DIS3L2: variants seen among roughly 807,000 people sequenced by gnomAD.
DIS3L2 encodes DIS3 like 3'-5' exoribonuclease 2.
Under a neutral mutation model 97.5 loss-of-function variants are expected in DIS3L2, and 34 were observed. The observed-to-expected ratio is 0.35, with a 90% confidence interval of 0.27 to 0.46. DIS3L2 has a LOEUF of 0.46. Ranked by LOEUF, DIS3L2 falls within the 20% of genes least tolerant of loss-of-function variation. The probability of loss-of-function intolerance (pLI) is 1.00; values close to 1 mark genes in which losing one functional copy is unlikely to be tolerated. For synonymous variants in DIS3L2, 435 were observed against 445.2 expected, an observed-to-expected ratio of 0.98 and a Z score of 0.29; for missense variants, 1,038 against 1,146.0, an observed-to-expected ratio of 0.91 and a Z score of 1.36.
intron 1 of DIS3L2, among the ~76,000 whole-genome samples, chr2:231,986,775 C>T (rs1195946144): frequency 6.6e-6 from 1 of 152,182 alleles, no homozygotes; most frequent in African/African-American, 2.4e-5. Context: ...CTTCAGAAGC[C>T]TGTTTAACCA....
intron 10 of DIS3L2, among the ~76,000 whole-genome samples, chr2:232,231,227 A>C (rs1482096101): frequency 6.6e-6 from 1 of 152,230 alleles, no homozygotes; most frequent in African/African-American, 2.4e-5. Flanking sequence ...GGACTGGTAC[A>C]TAGTAGGAGC....
At chr2:232,132,803 G>A (rs1232929926) in intron 7 of DIS3L2, among the ~76,000 whole-genome samples, 1 of 152,008 alleles carries the variant, frequency 6.6e-6, no homozygotes, top group Non-Finnish European at 1.5e-5. Flanking sequence ...CCAACAAGAA[G>A]GATTCTAGAA....
chr2:231,983,887 TA>T (rs201338126), intron 1 of DIS3L2, among the ~76,000 whole-genome samples: 20,282 of 135,284 alleles, frequency 0.15, 1,667 homozygotes, highest in South Asian at 0.33. Context: ...AGACTCATCT[TA>T]AAAAAAAAAA....
At chr2:232,298,844 G>C (rs1694786190) in intron 13 of DIS3L2, among the ~76,000 whole-genome samples, 1 of 152,216 alleles carries the variant, frequency 6.6e-6, no homozygotes, top group Admixed American at 6.5e-5. Context: ...AGGGCATGCT[G>C]CACCTCCTTG....
At chr2:232,342,289 GCATATATACA>G (rs1421224161) in intron 13 of DIS3L2, among the ~76,000 whole-genome samples, 1 of 150,320 alleles carries the variant, frequency 6.7e-6, no homozygotes, top group Non-Finnish European at 1.5e-5. Flanking sequence ...ACACATATAT[GCATATATACA>G]CATATATACA....
chr2:231,969,375 A>G (rs1316083111), intron 1 of DIS3L2, among the ~76,000 whole-genome samples: 2 of 148,860 alleles, frequency 1.3e-5, no homozygotes, highest in Admixed American at 6.8e-5. Context: ...CAGTGGCGCA[A>G]TCTTGGCTCA....
chr2:232,164,521 C>T (rs527705820), intron 9 of DIS3L2, among the ~76,000 whole-genome samples: 78 of 152,238 alleles, frequency 5.1e-4, no homozygotes, highest in African/African-American at 1.6e-3. Flanking sequence ...CACACTTGCT[C>T]GCTTCATGCA....
intron 1 of DIS3L2, among the ~76,000 whole-genome samples, chr2:232,010,271 C>T (rs1431335106): frequency 6.6e-6 from 1 of 152,078 alleles, no homozygotes; most frequent in East Asian, 1.9e-4. Context: ...CCTGCCCCCT[C>T]CCTTTCTCTC....
At chr2:232,310,329 G>A (rs1695090150) in intron 14 of DIS3L2, among the ~76,000 whole-genome samples, 1 of 152,206 alleles carries the variant, frequency 6.6e-6, no homozygotes, top group African/African-American at 2.4e-5. Context: ...GCTGTATTGT[G>A]CACGTGGGAG....
chr2:232,156,286 G>T (rs1485741476), intron 8 of DIS3L2, among the ~76,000 whole-genome samples: 1 of 152,030 alleles, frequency 6.6e-6, no homozygotes, highest in Non-Finnish European at 1.5e-5. Context: ...ATTTCCTGAG[G>T]TCTAAAAACC....
At chr2:232,332,273 A>T (rs1283474651) in intron 16 of DIS3L2, among the ~76,000 whole-genome samples, 1 of 151,352 alleles carries the variant, frequency 6.6e-6, no homozygotes, top group African/African-American at 2.4e-5. Context: ...CTTGCCCCCG[A>T]CTTAACCCAG....
In DIS3L2 at chr2:232,203,159, G is replaced by A. The variant is rs149221239; in HGVS notation, c.1125-7167G>A. ...ATGCCATCTAATCTAAGAAAGTGTT[G>A]GACTGAAAGTTTTATTCTTTATCCA... is the stretch of plus-strand genomic sequence containing the variant. On this transcript the variant is annotated intron_variant, in intron 9 of 20. Coordinates refer to ENST00000325385, the MANE Select transcript of DIS3L2 (RefSeq NM_152383.5). 1.6e-4 allele frequency among the ~76,000 whole-genome samples: 25 copies of A among 152,222 alleles called. No individual in the cohort carries two copies. In the East Asian group the frequency reaches 4.4e-3, roughly 27 times the overall value.
intron 9 of DIS3L2, among the ~76,000 whole-genome samples, chr2:232,191,389 G>C (rs1415165482): frequency 6.6e-6 from 1 of 152,192 alleles, no homozygotes; most frequent in Non-Finnish European, 1.5e-5. Flanking sequence ...AGAGCCAAGG[G>C]TGGTAAATCA....
intron 9 of DIS3L2, among the ~76,000 whole-genome samples, chr2:232,164,649 T>A (rs1434401606): frequency 6.6e-6 from 1 of 152,214 alleles, no homozygotes; most frequent in Non-Finnish European, 1.5e-5. Flanking sequence ...TTTTCTTTTC[T>A]TATTGAGGTT....
chr2:232,227,008 A>C (rs3103274), intron 10 of DIS3L2, among the ~76,000 whole-genome samples: 35,828 of 151,926 alleles, frequency 0.24, 5,040 homozygotes, highest in Non-Finnish European at 0.31. Flanking sequence ...ACAAAAAAAA[A>C]CCCAGGAAAT....
chr2:231,995,191 A>G (rs906817326), intron 1 of DIS3L2, among the ~76,000 whole-genome samples: 5 of 152,112 alleles, frequency 3.3e-5, no homozygotes, highest in African/African-American at 1.2e-4. Context: ...CTGACTGTCA[A>G]TCGTGATGGC....
In DIS3L2 at chr2:232,329,950, A is replaced by G. The variant is rs2106348151; in HGVS notation, c.1877A>G (p.Asp626Gly). Reference protein sequence around the residue: ...RMLSDLVEFCDQMGLPVDFSS... With the variant: ...RMLSDLVEFCGQMGLPVDFSS... ...CTCAGTGACCTGGTGGAATTCTGCGACCAGATGGGGCTGCCCGTGGACTTC... is the reference window on the plus strand; with the variant it reads ...CTCAGTGACCTGGTGGAATTCTGCGGCCAGATGGGGCTGCCCGTGGACTTC... The change falls in exon 15 of 21, where the codon GAC (aspartate) becomes GGC (glycine). Residue 626 changes from aspartate to glycine, a missense_variant. This residue lies in a region of DIS3L2 where 813 missense variants were observed against 880.1 expected (regional missense o/e 0.92). Coordinates refer to ENST00000325385, the MANE Select transcript of DIS3L2 (RefSeq NM_152383.5). 1 of 1,613,004 alleles carries G rather than the reference A, an allele frequency of 6.2e-7. No homozygotes were observed. Among genetic ancestry groups the G allele is most frequent in the Non-Finnish European group, 8.5e-7 (1 of 1,179,724 alleles).
At chr2:232,258,026 G>A (rs1693612102) in intron 12 of DIS3L2, among the ~76,000 whole-genome samples, 1 of 152,186 alleles carries the variant, frequency 6.6e-6, no homozygotes, top group Non-Finnish European at 1.5e-5. Context: ...TCCCAGATGT[G>A]TTAAGGAGAT....
chr2:232,329,789 T>TGGCCA, intron 14 of DIS3L2, 24 bp from the exon 15 acceptor site: 4 of 368,620 alleles, frequency 1.1e-5, no homozygotes, highest in Non-Finnish European at 2.0e-5. Flanking sequence ...CAGCGGTCCC[T>TGGCCA]CCCATCCCAC....
Sources: gnomAD v4.1 joint callset for allele counts (sites outside exome capture counted in the v4.1 genomes callset) on GRCh38, gnomAD v4.1.1 for gene constraint, gnomAD v4.1.1 regional missense constraint, MANE v1.5 for transcripts, NCBI Gene and HGNC (gene_info 2026-07-23, HGNC 2026-07-21) for gene names.